The following CNTNAP2 variants were observed in gnomAD, a reference collection of about 807,000 sequenced individuals.
CNTNAP2 encodes the protein contactin-associated protein-like 2.
CNTNAP2 carries 98 observed loss-of-function variants against 155.2 expected under a neutral mutation model. That is an observed-to-expected ratio of 0.63 (90% confidence interval 0.54 to 0.75). The LOEUF (loss-of-function observed/expected upper bound fraction) is 0.75, where lower values mean the gene tolerates loss of function less well. Among genes scored for constraint, CNTNAP2 ranks in the 30% least tolerant of loss-of-function variants. The probability of loss-of-function intolerance (pLI) is 0.00; values close to 1 mark genes in which losing one functional copy is unlikely to be tolerated. For missense variants in CNTNAP2, 1,727 were observed against 1,688.1 expected, an observed-to-expected ratio of 1.02 and a Z score of -0.40; for synonymous variants, 651 against 631.2, an observed-to-expected ratio of 1.03 and a Z score of -0.47.
intron 9 of CNTNAP2, among the ~76,000 whole-genome samples, chr7:147,352,988 C>T (rs992272402): frequency 6.6e-6 from 1 of 151,372 alleles, no homozygotes; most frequent in African/African-American, 2.4e-5. Flanking sequence ...AAAGCCCAAC[C>T]TTTGGTCTTT....
chr7:147,098,479 A>C (rs1800589814), intron 4 of CNTNAP2, among the ~76,000 whole-genome samples: 1 of 152,116 alleles, frequency 6.6e-6, no homozygotes, highest in Admixed American at 6.5e-5. Flanking sequence ...CATTACTTCC[A>C]CAACCCCAGT....
intron 1 of CNTNAP2, among the ~76,000 whole-genome samples, chr7:146,230,841 C>G (rs1054517789): frequency 4.6e-5 from 7 of 151,962 alleles, no homozygotes; most frequent in Non-Finnish European, 1.0e-4. Flanking sequence ...ATGGTGAAAC[C>G]CTGTCTCTAC....
chr7:146,910,578 G>T (rs1364437687), intron 3 of CNTNAP2, among the ~76,000 whole-genome samples: 3 of 151,220 alleles, frequency 2.0e-5, no homozygotes, highest in Admixed American at 2.0e-4. Flanking sequence ...TTAATAAATG[G>T]TGCTGGGAAA....
intron 3 of CNTNAP2, among the ~76,000 whole-genome samples, chr7:146,961,809 C>T (rs568392599): frequency 1.8e-4 from 28 of 152,194 alleles, no homozygotes; most frequent in African/African-American, 6.5e-4. Context: ...AGCATGATCT[C>T]ACCATCTGAA....
Position 147,033,147 on chromosome 7 carries a change from CATATATATATATGTATATATAT to C in CNTNAP2, c.403-10747_403-10726del, listed in dbSNP as rs1283103958. The stretch of plus-strand genomic sequence containing the variant: ...GTAGGGTCTAGAGAGGATATTGCTG[CATATATATATATGTATATATAT>C]ATATATATATATATATATATATATA... On this transcript the variant is annotated intron_variant, in intron 3 of 23. Transcript: ENST00000361727. Among the ~76,000 whole-genome samples, 6 of 86,978 alleles carry C rather than the reference CATATATATATATGTATATATAT, an allele frequency of 6.9e-5. No individual in the cohort carries two copies. In the Admixed American group the frequency reaches 8.1e-4, roughly 12 times the overall value. The allele number at this position is 86,978 out of a possible 152,430, so 57.1% of individuals were successfully genotyped here.
chr7:147,395,702 T>C lies in CNTNAP2; in HGVS notation c.1592T>C (p.Val531Ala). Reference sequence around the variant, plus strand: ...CTCATTCAAGTGGACGATCAACTTGTAAATTTATACGAAGTGGCACAAAGG... The same window carrying C: ...CTCATTCAAGTGGACGATCAACTTGCAAATTTATACGAAGTGGCACAAAGG... ...MQLIQVDDQL[V>A]NLYEVAQRKP... The change falls in exon 10 of 24, where the codon GTA becomes GCA. Residue 531 changes from valine (V) to alanine (A), a missense_variant. Physicochemically the swap from Val to Ala is moderately conservative, Grantham distance 64. Transcript: ENST00000361727. 6.2e-7 allele frequency: 1 copy of C among 1,612,588 alleles called. No individual in the cohort carries two copies. The highest frequency in any genetic ancestry group is 1.1e-5 in the South Asian group (1 of 91,056).
At chr7:146,860,205 A>C (rs1437322780) in intron 3 of CNTNAP2, among the ~76,000 whole-genome samples, 1 of 152,258 alleles carries the variant, frequency 6.6e-6, no homozygotes, top group Non-Finnish European at 1.5e-5. Flanking sequence ...AGAGCTAGAT[A>C]GAATATAAAG....
At chr7:146,645,458 G>A (rs920383393) in intron 1 of CNTNAP2, among the ~76,000 whole-genome samples, 1 of 152,086 alleles carries the variant, frequency 6.6e-6, no homozygotes, top group African/African-American at 2.4e-5. Context: ...CAGTGGAGAA[G>A]GGTTTCTATC....
intron 3 of CNTNAP2, among the ~76,000 whole-genome samples, chr7:146,926,206 T>G (rs1796605800): frequency 6.6e-6 from 1 of 152,104 alleles, no homozygotes; most frequent in African/African-American, 2.4e-5. Flanking sequence ...TATTTCTGAT[T>G]AGTACGTTTC....
chr7:148,163,178 T>C (rs1805583712), intron 17 of CNTNAP2, among the ~76,000 whole-genome samples: 1 of 152,162 alleles, frequency 6.6e-6, no homozygotes, highest in Non-Finnish European at 1.5e-5. Context: ...GGCCAGAGCA[T>C]AGTAAGAGTG....
chr7:146,178,385 A>G (rs1412617436), intron 1 of CNTNAP2, among the ~76,000 whole-genome samples: 4 of 152,236 alleles, frequency 2.6e-5, no homozygotes, highest in East Asian at 3.9e-4. Context: ...ATTTAGATCT[A>G]TAGTTTATTT....
At chr7:146,902,174 G>A (rs1313658518) in intron 3 of CNTNAP2, among the ~76,000 whole-genome samples, 1 of 152,126 alleles carries the variant, frequency 6.6e-6, no homozygotes, top group Admixed American at 6.5e-5. Flanking sequence ...GTGAGCCACC[G>A]TGCTCAGCCA....
chr7:147,547,269 A>G (rs1346605350), intron 11 of CNTNAP2, among the ~76,000 whole-genome samples: 2 of 152,096 alleles, frequency 1.3e-5, no homozygotes, highest in Non-Finnish European at 2.9e-5. Flanking sequence ...CTTTCCTTCA[A>G]CTCATCCTAA....
At position 147,395,745 on chromosome 7, in the gene CNTNAP2, G is replaced by C. The variant is rs755959345; in HGVS notation, c.1635G>C (p.Ala545=). 6.2e-7 allele frequency: 1 copy of C among 1,612,392 alleles called. No individual in the cohort carries two copies. The highest frequency in any genetic ancestry group is 8.5e-7 in the Non-Finnish European group (1 of 1,178,796). ...CACAAAGGAAGCCGGGAAGTTTCGCGAATGTCAGCATTGACATGTGTGCGA... is the reference window on the plus strand; with the variant it reads ...CACAAAGGAAGCCGGGAAGTTTCGCCAATGTCAGCATTGACATGTGTGCGA... The part of the protein sequence containing the change: ...EVAQRKPGSF[A]NVSIDMCAII... The change falls in exon 10 of 24, where the codon GCG becomes GCC. Residue 545 remains alanine (A), a synonymous_variant. Transcript: ENST00000361727.
At chr7:147,968,705 A>G (rs967503119) in intron 14 of CNTNAP2, among the ~76,000 whole-genome samples, 3 of 152,186 alleles carry the variant, frequency 2.0e-5, no homozygotes, top group Non-Finnish European at 4.4e-5. Context: ...TAAGAACATG[A>G]AATCACCTCC....
chr7:148,113,173 G>C (rs1804392969), intron 15 of CNTNAP2, among the ~76,000 whole-genome samples: 1 of 152,082 alleles, frequency 6.6e-6, no homozygotes, highest in African/African-American at 2.4e-5. Flanking sequence ...AGGTTTAATT[G>C]GTTCACAGTT....
chr7:147,570,715 G>A (rs1270531476), intron 12 of CNTNAP2, among the ~76,000 whole-genome samples: 1 of 152,150 alleles, frequency 6.6e-6, no homozygotes, highest in Non-Finnish European at 1.5e-5. Flanking sequence ...GATGAAACTA[G>A]AGCTCAGAGA....
At chr7:147,125,425 T>C (rs1341022533) in intron 6 of CNTNAP2, among the ~76,000 whole-genome samples, 1 of 152,208 alleles carries the variant, frequency 6.6e-6, no homozygotes, top group Admixed American at 6.5e-5. Flanking sequence ...GGCTGCTAGC[T>C]ACAGGGTGGC....
chr7:148,389,063 A>G (rs142281212), intron 22 of CNTNAP2, among the ~76,000 whole-genome samples: 260 of 152,290 alleles, frequency 1.7e-3, no homozygotes, highest in African/African-American at 5.9e-3. Context: ...CTCTTTTCAA[A>G]GCTCAGATGG....
Sources: gnomAD v4.1 joint callset for allele counts (sites outside exome capture counted in the v4.1 genomes callset) on GRCh38, gnomAD v4.1.1 for gene constraint, MANE v1.5 for transcripts, NCBI Gene and HGNC (gene_info 2026-07-23, HGNC 2026-07-21) for gene names.